DYRK4: variants seen among roughly 807,000 people sequenced by gnomAD.
DYRK4 encodes dual specificity tyrosine-phosphorylation-regulated kinase 4.
DYRK4 carries 64 observed loss-of-function variants against 68.3 expected under a neutral mutation model. The ratio of observed to expected loss-of-function variants is 0.94; its 90% CI spans 0.77 to 1.15. The LOEUF (loss-of-function observed/expected upper bound fraction) is 1.15. Ranked by LOEUF, DYRK4 falls within the 50% of genes most tolerant of loss-of-function variation. The pLI is 0.00. For missense variants in DYRK4, 740 were observed against 764.7 expected (o/e 0.97, Z 0.38); for synonymous variants, 274 against 289.9 (o/e 0.95, Z 0.56).
intron 6 of DYRK4, among the ~76,000 whole-genome samples, chr12:4,595,348 A>C (rs1161317996): frequency 1.3e-5 from 2 of 152,232 alleles, no homozygotes; most frequent in Non-Finnish European, 2.9e-5. Flanking sequence ...TTAGAGACCC[A>C]CAGAGCTTGA....
intron 3 of DYRK4, among the ~76,000 whole-genome samples, chr12:4,589,336 A>G (rs1293194506): frequency 3.3e-5 from 5 of 152,174 alleles, no homozygotes; most frequent in Non-Finnish European, 7.3e-5. Flanking sequence ...TTGTCCCCTC[A>G]GGCATTTATC....
At chr12:4,587,824 G>A (rs530240334) in intron 2 of DYRK4, among the ~76,000 whole-genome samples, 1 of 152,198 alleles carries the variant, frequency 6.6e-6, no homozygotes, top group Non-Finnish European at 1.5e-5. Context: ...TGTTATTTCA[G>A]TGTGGCCAAA....
chr12:4,605,181 A>AT, intron 11 of DYRK4, 95 bp downstream of exon 11: 1 of 1,137,090 alleles, frequency 8.8e-7, no homozygotes, highest in Non-Finnish European at 1.2e-6. Context: ...CATGGCCTGC[A>AT]TACCTTGTTG....
At position 4,596,298 on chromosome 12, in the gene DYRK4, G is replaced by A. The variant is rs1184472654; in HGVS notation, c.764+13G>A. The A allele has an allele frequency of 6.2e-7, 1 of 1,614,092 alleles. No individual in the cohort carries two copies. Among genetic ancestry groups the A allele is most frequent in the South Asian group, 1.1e-5 (1 of 91,072 alleles). On this transcript the variant is annotated intron_variant, in intron 7 of 14. Coordinates refer to ENST00000543431, the MANE Select transcript of DYRK4 (RefSeq NM_001394779.1). ...GGAACAAGAAGAGGTGTGGCTTGGGGATGACATAGGCCACAGAGGAGGGAC... is the reference window on the plus strand; with the variant it reads ...GGAACAAGAAGAGGTGTGGCTTGGGAATGACATAGGCCACAGAGGAGGGAC...
intron 10 of DYRK4, 114 bp from the exon 11 acceptor site, chr12:4,604,800 C>T: frequency 7.5e-7 from 1 of 1,340,632 alleles, no homozygotes; most frequent in Admixed American, 2.9e-5. Flanking sequence ...GCCAGCTGCA[C>T]TTCCCTTTCA....
At chr12:4,570,197 C>T (rs1439884112) in intron 2 of DYRK4, among the ~76,000 whole-genome samples, 3 of 151,808 alleles carry the variant, frequency 2.0e-5, no homozygotes, top group Non-Finnish European at 2.9e-5. Context: ...GCCGTGCTTG[C>T]GCCACTGCAT....
In DYRK4 at chr12:4,596,692, T is replaced by G. The variant is rs1228866525; in HGVS notation, c.868T>G (p.Phe290Val). The G allele has an allele frequency of 6.2e-7, 1 of 1,614,116 alleles. No homozygotes were observed. Among genetic ancestry groups the G allele is most frequent in the Non-Finnish European group, 8.5e-7 (1 of 1,180,048 alleles). The change falls in exon 8 of 15, where the codon TTT (phenylalanine) becomes GTT (valine). Residue 290 changes from phenylalanine (F) to valine (V), a missense_variant. Around this residue, in one of 3 missense-constraint regions of DYRK4, gnomAD observed 614 missense variants for 603.7 expected, o/e 1.02. Coordinates refer to ENST00000543431, the MANE Select transcript of DYRK4 (RefSeq NM_001394779.1). The stretch of plus-strand genomic sequence containing the variant: ...GGTGCATATGAAGGACTTTTTCTAC[T>G]TTCGCAATCACTTCTGCATCACCTT... Reference protein sequence around the residue: ...NVVHMKDFFYFRNHFCITFEL... With the variant: ...NVVHMKDFFYVRNHFCITFEL...
intron 2 of DYRK4, among the ~76,000 whole-genome samples, chr12:4,581,225 C>A (rs1013416489): frequency 6.6e-6 from 1 of 152,092 alleles, no homozygotes; most frequent in Non-Finnish European, 1.5e-5. Context: ...AGGCAGAGCA[C>A]CTAGGGACAA....
At chr12:4,573,168 T>C (rs987540124) in intron 2 of DYRK4, 1 of 485,590 alleles carries the variant, frequency 2.1e-6, no homozygotes, top group African/African-American at 2.0e-5. Flanking sequence ...GTAATGATCA[T>C]TGCAAGTTAA....
chr12:4,609,693 T>G (rs1945195497), intron 12 of DYRK4, among the ~76,000 whole-genome samples: 1 of 152,208 alleles, frequency 6.6e-6, no homozygotes, highest in African/African-American at 2.4e-5. Context: ...GTGAGCTTGA[T>G]TCTTCTTTGG....
intron 2 of DYRK4, among the ~76,000 whole-genome samples, chr12:4,585,858 T>C (rs116254797): frequency 0.015 from 2,295 of 152,358 alleles, 47 homozygotes; most frequent in African/African-American, 0.051. Context: ...AGAAACTTCA[T>C]AATTTAGTTC....
At chr12:4,602,408 T>G in intron 10 of DYRK4, 1 of 946,164 alleles carries the variant, frequency 1.1e-6, no homozygotes, top group African/African-American at 1.6e-5. Context: ...AAAGACAGTA[T>G]GTTGAGGTCA....
chr12:4,594,794 T>C (rs935982621), intron 6 of DYRK4, among the ~76,000 whole-genome samples: 1 of 151,900 alleles, frequency 6.6e-6, no homozygotes, highest in Non-Finnish European at 1.5e-5. Flanking sequence ...CCTTATTGCA[T>C]TCCAGTACAC....
intron 10 of DYRK4, among the ~76,000 whole-genome samples, chr12:4,601,817 C>A (rs1444096603): frequency 6.6e-6 from 1 of 150,522 alleles, no homozygotes; most frequent in Non-Finnish European, 1.5e-5. Context: ...CTTTAATTTG[C>A]TAAAGATTTA....
intron 2 of DYRK4, among the ~76,000 whole-genome samples, chr12:4,578,306 CTT>C (rs1944808634): frequency 6.7e-6 from 1 of 149,912 alleles, no homozygotes; most frequent in Admixed American, 6.6e-5. Flanking sequence ...TTTTTTATCT[CTT>C]TGAAGAAATT....
intron 12 of DYRK4, among the ~76,000 whole-genome samples, chr12:4,609,602 G>T (rs1945194311): frequency 6.6e-6 from 1 of 152,196 alleles, no homozygotes; most frequent in Admixed American, 6.5e-5. Flanking sequence ...GAAGGGGATG[G>T]AGGGAATGAC....
At chr12:4,604,206 A>G (rs539675459) in intron 10 of DYRK4, among the ~76,000 whole-genome samples, 1 of 152,354 alleles carries the variant, frequency 6.6e-6, no homozygotes, top group African/African-American at 2.4e-5. Context: ...GTGCATGTGT[A>G]CTTTGCAAAG....
intron 2 of DYRK4, among the ~76,000 whole-genome samples, chr12:4,583,709 T>G (rs1944866595): frequency 6.6e-6 from 1 of 152,150 alleles, no homozygotes; most frequent in Non-Finnish European, 1.5e-5. Flanking sequence ...CTCTCACTTT[T>G]GAAAGTGAGA....
intron 2 of DYRK4, among the ~76,000 whole-genome samples, chr12:4,579,365 A>G (rs1944818942): frequency 1.3e-5 from 2 of 152,210 alleles, no homozygotes; most frequent in South Asian, 4.1e-4. Context: ...GAGGCATGGG[A>G]GTGCTCTCAT....
Sources: gnomAD v4.1 joint callset for allele counts (sites outside exome capture counted in the v4.1 genomes callset) on GRCh38, gnomAD v4.1.1 for gene constraint, gnomAD v4.1.1 regional missense constraint, MANE v1.5 for transcripts, NCBI Gene and HGNC (gene_info 2026-07-23, HGNC 2026-07-21) for gene names.